The following ASPSCR1 variants were observed in gnomAD, a reference collection of about 807,000 sequenced individuals.
ASPSCR1 encodes the protein ASPSCR1 tether for SLC2A4, UBX domain containing.
A neutral mutation model predicts 68.9 loss-of-function variants in ASPSCR1; 55 were observed. The ratio of observed to expected loss-of-function variants is 0.80; its 90% CI spans 0.64 to 1.00. The LOEUF is 1.00. ASPSCR1 is among the 50% of genes least tolerant of loss of function. The pLI is 0.00. For synonymous variants in ASPSCR1, 352 were observed against 332.6 expected (o/e 1.06, Z -0.63); for missense variants, 765 against 762.2 (o/e 1.00, Z -0.04).
rs570770820 is a variant in ASPSCR1 at position 81,993,911 on chromosome 17, C to T, written c.375-910C>T. On this transcript the variant is annotated intron_variant, in intron 4 of 15. Coordinates refer to ENST00000306739, the MANE Select transcript of ASPSCR1 (RefSeq NM_024083.4). ...CCCTGGCCTCCCCTTTGCCTAGGCT[C>T]TGGCCATCTGCCCCCTCCTCTCGGA... 3.3e-5 allele frequency among the ~76,000 whole-genome samples: 5 copies of T among 152,306 alleles called. No homozygotes were observed. The East Asian group carries it at 9.6e-4, about 29-fold the overall frequency.
chr17:81,992,058 TG>T (rs2042186981), intron 4 of ASPSCR1, among the ~76,000 whole-genome samples: 1 of 152,200 alleles, frequency 6.6e-6, no homozygotes, highest in African/African-American at 2.4e-5. Context: ...CTCTGCTGGC[TG>T]GAGAGTGTGT....
At chr17:81,993,002 C>T (rs975368144) in intron 4 of ASPSCR1, among the ~76,000 whole-genome samples, 2 of 151,982 alleles carry the variant, frequency 1.3e-5, no homozygotes, top group African/African-American at 4.8e-5. Flanking sequence ...CTGTCAGAGT[C>T]GGGGCCTGGG....
rs2042004738 is a variant in ASPSCR1 at position 81,986,743 on chromosome 17, G to GTCGGGCGCTGGGAAGGTGACCGCGCA, written c.374+1156_374+1157insCGCGCATCGGGCGCTGGGAAGGTGAC. Among the ~76,000 whole-genome samples the GTCGGGCGCTGGGAAGGTGACCGCGCA allele has an allele frequency of 6.6e-6, 1 of 152,238 alleles. No individual in the cohort carries two copies. The highest frequency in any genetic ancestry group is 1.5e-5 in the Non-Finnish European group (1 of 68,038). On this transcript the variant is annotated intron_variant, in intron 4 of 15. Coordinates refer to ENST00000306739, the MANE Select transcript of ASPSCR1 (RefSeq NM_024083.4). This position sits in a 1 kb window ranked among gnomAD's most constrained non-coding sequence, Gnocchi z 5.2. ...AGGGCCTGTGGGAAGGTGACCGCGC[G>GTCGGGCGCTGGGAAGGTGACCGCGCA]TCGGGCGCTGGGAAGGTGACTGTGC...
At position 82,012,078 on chromosome 17, in the gene ASPSCR1, C is replaced by T. The variant is rs1294707476; in HGVS notation, c.1301-153C>T. ...CCTTCCGAGCCCTCAGCTGGAGTTT[C>T]TGCAGCAGGAGTGTGGGCACAGGGC... On this transcript the variant is annotated intron_variant, in intron 11 of 15. Transcript: ENST00000306739. 7.4e-6 allele frequency: 7 copies of T among 947,458 alleles called. No individual in the cohort carries two copies. In the East Asian group the frequency reaches 1.8e-4, roughly 24 times the overall value. The allele number at this position is 947,458 out of a possible 1,614,324, so 58.7% of individuals were successfully genotyped here. A position where few individuals can be genotyped will look rare whatever the true frequency, so the allele number is the denominator to read the frequency against.
chr17:82,010,545 A>G (rs1598431164), intron 9 of ASPSCR1, among the ~76,000 whole-genome samples: 6 of 150,944 alleles, frequency 4.0e-5, no homozygotes, highest in South Asian at 4.2e-4. Flanking sequence ...AAAAAAAAAA[A>G]AAAAAAACCA....
intron 4 of ASPSCR1, among the ~76,000 whole-genome samples, chr17:81,994,125 C>G (rs936184457): frequency 6.6e-6 from 1 of 152,250 alleles, no homozygotes; most frequent in African/African-American, 2.4e-5. Context: ...GTGCCCGTCT[C>G]CCGGGCTGCC....
intron 5 of ASPSCR1, chr17:81,995,604 G>C: frequency 2.4e-6 from 1 of 409,682 alleles, no homozygotes; most frequent in Non-Finnish European, 4.5e-6. Context: ...CCCACCCCGA[G>C]CTGAGCACCA....
rs1567960956 is a variant in ASPSCR1, at chr17:81,987,627, T to C, written c.374+2020T>C. On this transcript the variant is annotated intron_variant, in intron 4 of 15. Coordinates refer to ENST00000306739, the MANE Select transcript of ASPSCR1 (RefSeq NM_024083.4). The surrounding 1 kb of genome is among the most constrained non-coding windows in gnomAD (Gnocchi z 5.6). ...GGTGTCTGGAGAGGTGGGGCCGGCA[T>C]TGTGGTAGCATAAGCCTCTTCAACA... Among the ~76,000 whole-genome samples the C allele has an allele frequency of 6.6e-6, 1 of 151,982 alleles. No homozygotes were observed. Among genetic ancestry groups the C allele is most frequent in the African/African-American group, 2.4e-5 (1 of 41,376 alleles).
In ASPSCR1 at chr17:82,017,004, T is replaced by G. The variant is rs2043155807; in HGVS notation, c.1539T>G (p.Ser513=). The G allele has an allele frequency of 6.2e-7, 1 of 1,612,380 alleles. No homozygotes were observed. The highest frequency in any genetic ancestry group is 8.5e-7 in the Non-Finnish European group (1 of 1,179,874). The part of the protein sequence containing the change: ...PLPAPDPAPK[S]EPAAEEGALV... ...CAGCCCCTGACCCTGCACCTAAGTC[T>G]GAGCCAGCTGCTGAGGAGGGGGCGC... The change falls in exon 15 of 16, where the codon TCT becomes TCG. Residue 513 remains serine (S), a synonymous_variant. Transcript: ENST00000306739.
At position 81,990,287 on chromosome 17, in the gene ASPSCR1, C is replaced by T. The variant is rs2042118010; in HGVS notation, c.375-4534C>T. Among the ~76,000 whole-genome samples the T allele has an allele frequency of 6.6e-6, 1 of 152,206 alleles. No individual in the cohort carries two copies. ...TGGAGCATCTCGGTCTGGGCCGGGT[C>T]CTCGTGGACTGGGCGCTCTCCACTC... is the stretch of plus-strand genomic sequence containing the variant. On this transcript the variant is annotated intron_variant, in intron 4 of 15. Coordinates refer to ENST00000306739, the MANE Select transcript of ASPSCR1 (RefSeq NM_024083.4). The surrounding 1 kb of genome is among the most constrained non-coding windows in gnomAD (Gnocchi z 4.1).
chr17:82,008,078 A>G (rs1326542733), intron 7 of ASPSCR1: 1 of 152,344 alleles, frequency 6.6e-6, no homozygotes, highest in Non-Finnish European at 1.5e-5. Context: ...CGCCCACAGC[A>G]GTCGAGGTCT....
In ASPSCR1 at chr17:82,011,441, G is replaced by A. The variant is rs565738181; in HGVS notation, c.1238-102G>A. ...GAACAGGGCTGAATTCCCACCCCTCGGGGAAAGGCCCAGGAGGGTGGGAGC... is the reference window on the plus strand; with the variant it reads ...GAACAGGGCTGAATTCCCACCCCTCAGGGAAAGGCCCAGGAGGGTGGGAGC... On this transcript the variant is annotated intron_variant, in intron 10 of 15. Coordinates refer to ENST00000306739, the MANE Select transcript of ASPSCR1 (RefSeq NM_024083.4). The A allele has an allele frequency of 6.7e-5, 76 of 1,139,770 alleles. No individual in the cohort carries two copies. In the African/African-American group the frequency reaches 7.1e-4, roughly 11 times the overall value. 70.6% of individuals were successfully genotyped at this position (1,139,770 alleles called of 1,614,324 possible).
At chr17:82,014,701 G>A in intron 12 of ASPSCR1, 1 of 273,248 alleles carries the variant, frequency 3.7e-6, no homozygotes, top group Non-Finnish European at 7.0e-6. Flanking sequence ...GGGCGGCCAG[G>A]CGCTGGGCCA....
intron 2 of ASPSCR1, among the ~76,000 whole-genome samples, chr17:81,982,155 G>A (rs1026760395): frequency 6.6e-6 from 1 of 151,836 alleles, no homozygotes; most frequent in African/African-American, 2.4e-5. Context: ...TTTTAGTAGA[G>A]ACGGAGTTTC....
In ASPSCR1 at chr17:81,995,895, G is replaced by A. The variant is rs7223629; in HGVS notation, c.433-97G>A. On this transcript the variant is annotated intron_variant, in intron 5 of 15. Coordinates refer to ENST00000306739, the MANE Select transcript of ASPSCR1 (RefSeq NM_024083.4). ...GTAGGATGGAGGCCAGAGAGGGCACGTGGCCTGTGGTCCTGGTGGTGCCGG... is the reference window on the plus strand; with the variant it reads ...GTAGGATGGAGGCCAGAGAGGGCACATGGCCTGTGGTCCTGGTGGTGCCGG... 5.5e-3 allele frequency: 6,606 copies of A among 1,195,798 alleles called. 254 individuals carry two copies. In the African/African-American group the frequency reaches 0.085, roughly 15 times the overall value. 74.1% of individuals were successfully genotyped at this position (1,195,798 alleles called of 1,614,324 possible). A position where few individuals can be genotyped will look rare whatever the true frequency, so the allele number is the denominator to read the frequency against.
chr17:82,009,344 G>A, intron 8 of ASPSCR1, 142 bp from the exon 9 acceptor site: 1 of 1,374,182 alleles, frequency 7.3e-7, no homozygotes. Flanking sequence ...TTGGGGCCCA[G>A]GGAGGGGCGT....
In ASPSCR1 at chr17:81,990,340, GCGT is replaced by G. The variant is rs1316088768; in HGVS notation, c.375-4479_375-4477del. 7.9e-5 allele frequency among the ~76,000 whole-genome samples: 12 copies of G among 152,214 alleles called. No individual in the cohort carries two copies. Among genetic ancestry groups the G allele is most frequent in the Non-Finnish European group, 1.8e-4 (12 of 68,042 alleles). ...CTTCTCAGGCTCTGCTGCAGGGAGG[GCGT>G]CAGGAGACAGAGGCTGCACACTGCT... On this transcript the variant is annotated intron_variant, in intron 4 of 15. Transcript: ENST00000306739. The surrounding 1 kb of genome is among the most constrained non-coding windows in gnomAD (Gnocchi z 4.1).
Position 82,009,481 on chromosome 17 carries a change from C to A in ASPSCR1, c.1089-5C>A. 6.4e-7 allele frequency: 1 copy of A among 1,574,198 alleles called. No individual in the cohort carries two copies. Among genetic ancestry groups the A allele is most frequent in the East Asian group, 2.4e-5 (1 of 42,332 alleles). On this transcript the variant is annotated splice_polypyrimidine_tract_variant and splice_region_variant and intron_variant, in intron 8 of 15. Transcript: ENST00000306739. ...AAGCCCTGTTCCTTCCCCTCCTCAC[C>A]ACAGGAAGCGCCTGGAAGAAGCCCC...
intron 7 of ASPSCR1, chr17:82,008,645 A>C: frequency 1.1e-5 from 2 of 174,812 alleles, no homozygotes; most frequent in Non-Finnish European, 2.4e-5. Context: ...CCAAGAGGGC[A>C]GCGGGGGCAG....
Sources: allele counts gnomAD v4.1 joint callset (sites outside exome capture counted in the v4.1 genomes callset), GRCh38; gene constraint gnomAD v4.1.1; non-coding constraint Gnocchi (gnomAD v3.1); transcripts MANE v1.5; gene names NCBI Gene and HGNC (gene_info 2026-07-23, HGNC 2026-07-21).